Variants in PDLIM1 observed in about 807,000 individuals in gnomAD.
PDLIM1 encodes the protein PDZ and LIM domain 1.
A neutral mutation model predicts 35.2 loss-of-function variants in PDLIM1; 25 were observed. The ratio of observed to expected loss-of-function variants is 0.71; its 90% CI spans 0.52 to 0.99. The LOEUF (loss-of-function observed/expected upper bound fraction) is 0.99. PDLIM1 is among the 50% of genes least tolerant of loss of function. PDLIM1 has a pLI of 0.00. For synonymous variants in PDLIM1, 152 were observed against 154.0 expected (o/e 0.99, Z 0.10); for missense variants, 363 against 415.3 (o/e 0.87, Z 1.09).
chr10:95,274,705 G>C (rs2035496881), intron 1 of PDLIM1, among the ~76,000 whole-genome samples: 1 of 152,196 alleles, frequency 6.6e-6, no homozygotes, highest in African/African-American at 2.4e-5. Context: ...CTACTCAGCA[G>C]TAAGGTGCAT....
Position 95,237,590 on chromosome 10 carries a change from A to G in PDLIM1, c.*335T>C, listed in dbSNP as rs1267512244. On this transcript the variant is annotated 3_prime_UTR_variant, in exon 7 of 7. Coordinates refer to ENST00000329399, the MANE Select transcript of PDLIM1 (RefSeq NM_020992.4). ...ACACTGCTTTGTAGTCTATACATTT[A>G]TTGAGTAAAAACAAAATCAGTGTCA... 1 of 272,846 alleles carries G rather than the reference A, an allele frequency of 3.7e-6. No individual in the cohort carries two copies. Among genetic ancestry groups the G allele is most frequent in the Admixed American group, 4.9e-5 (1 of 20,496 alleles). 16.9% of individuals were successfully genotyped at this position (272,846 alleles called of 1,614,324 possible).
At chr10:95,273,919 C>G (rs1465838397) in intron 1 of PDLIM1, among the ~76,000 whole-genome samples, 1 of 152,194 alleles carries the variant, frequency 6.6e-6, no homozygotes, top group Non-Finnish European at 1.5e-5. Flanking sequence ...TTAAACGGCT[C>G]TAAGCATCAT....
At chr10:95,251,085 CA>C (rs1179138773) in intron 4 of PDLIM1, among the ~76,000 whole-genome samples, 1 of 152,242 alleles carries the variant, frequency 6.6e-6, no homozygotes, top group East Asian at 1.9e-4. Flanking sequence ...CTGCTCCAGC[CA>C]AAAGGGCAGC....
At position 95,290,934 on chromosome 10, in the gene PDLIM1, G is replaced by C; in HGVS notation, c.-19C>G. On this transcript the variant is annotated 5_prime_UTR_variant, in exon 1 of 7. Transcript: ENST00000329399. The surrounding 1 kb of genome is among the most constrained non-coding windows in gnomAD (Gnocchi z 4.7). Reference sequence around the variant, plus strand: ...TGGTCATGGCGCGGCTGTGGCGGGCGACGACCCGCGGGGACAGACGGGCAG... The same window carrying C: ...TGGTCATGGCGCGGCTGTGGCGGGCCACGACCCGCGGGGACAGACGGGCAG... 6.6e-7 allele frequency: 1 copy of C among 1,506,988 alleles called. No homozygotes were observed. The highest frequency in any genetic ancestry group is 9.0e-7 in the Non-Finnish European group (1 of 1,114,006). The allele number at this position is 1,506,988 out of a possible 1,614,324, so 93.4% of individuals were successfully genotyped here.
intron 5 of PDLIM1, 26 bp from the exon 6 acceptor site, chr10:95,238,711 G>T: frequency 1.5e-6 from 2 of 1,374,676 alleles, no homozygotes; most frequent in Non-Finnish European, 2.1e-6. Context: ...CACTGTCATT[G>T]GCCAGGAAGG....
chr10:95,259,468 G>A (rs2035343275), intron 4 of PDLIM1, among the ~76,000 whole-genome samples: 1 of 152,136 alleles, frequency 6.6e-6, no homozygotes, highest in African/African-American at 2.4e-5. Flanking sequence ...GCCATTCTGG[G>A]AAACCCTATG....
intron 3 of PDLIM1, among the ~76,000 whole-genome samples, chr10:95,264,626 AG>A (rs1287706316): frequency 2.0e-5 from 3 of 152,228 alleles, no homozygotes; most frequent in Non-Finnish European, 2.9e-5. Context: ...AAGGAAATTA[AG>A]GATCTATTGT....
chr10:95,245,168 T>A (rs1439603312), intron 5 of PDLIM1, among the ~76,000 whole-genome samples: 6 of 152,212 alleles, frequency 3.9e-5, no homozygotes, highest in Admixed American at 3.3e-4. Flanking sequence ...AGACTCTCGT[T>A]TAACTAGGTG....
chr10:95,238,518 G>T, intron 6 of PDLIM1, 50 bp downstream of exon 6: 2 of 1,165,728 alleles, frequency 1.7e-6, no homozygotes, highest in Non-Finnish European at 2.6e-6. Context: ...CATTTTCATG[G>T]TTTACCCAAC....
chr10:95,274,535 G>A (rs2035495392), intron 1 of PDLIM1, among the ~76,000 whole-genome samples: 1 of 152,064 alleles, frequency 6.6e-6, no homozygotes, highest in Non-Finnish European at 1.5e-5. Flanking sequence ...GACCTCAGGT[G>A]ATCCACCCAC....
rs985449403 is a variant in PDLIM1, at chr10:95,237,618, C to G, written c.*307G>C. Reference sequence around the variant, plus strand: ...GAGTAAAAACAAAATCAGTGTCAGACACGTTATATTTGATTGGGTTCAAAT... The same window carrying G: ...GAGTAAAAACAAAATCAGTGTCAGAGACGTTATATTTGATTGGGTTCAAAT... On this transcript the variant is annotated 3_prime_UTR_variant, in exon 7 of 7. Coordinates refer to ENST00000329399, the MANE Select transcript of PDLIM1 (RefSeq NM_020992.4). 3 of 335,464 alleles carry G rather than the reference C, an allele frequency of 8.9e-6. No homozygotes were observed. The highest frequency in any genetic ancestry group is 1.1e-5 in the Non-Finnish European group (2 of 180,998). 20.8% of individuals were successfully genotyped at this position (335,464 alleles called of 1,614,324 possible).
intron 5 of PDLIM1, among the ~76,000 whole-genome samples, chr10:95,245,217 G>C (rs45620839): frequency 0.07 from 10,708 of 152,242 alleles, 462 homozygotes; most frequent in Middle Eastern, 0.22. Context: ...AAATGGAAGA[G>C]TAGTGTGGGA....
chr10:95,285,019 T>C (rs1285417989), intron 1 of PDLIM1, among the ~76,000 whole-genome samples: 1 of 152,200 alleles, frequency 6.6e-6, no homozygotes, highest in African/African-American at 2.4e-5. Flanking sequence ...TTAGCTTGGC[T>C]ACCGCAAGGT....
chr10:95,263,077 C>T (rs1431912961), intron 4 of PDLIM1, among the ~76,000 whole-genome samples: 20 of 150,282 alleles, frequency 1.3e-4, no homozygotes, highest in Admixed American at 9.4e-4. Context: ...CCCAGGAGGT[C>T]GAGGCTGCAG....
chr10:95,276,419 C>T (rs2035512078), intron 1 of PDLIM1, among the ~76,000 whole-genome samples: 1 of 152,162 alleles, frequency 6.6e-6, no homozygotes, highest in Non-Finnish European at 1.5e-5. Flanking sequence ...CTCCCCTGCC[C>T]TGTACTGATC....
chr10:95,273,462 TC>T (rs2035482345), intron 1 of PDLIM1: 1 of 152,154 alleles, frequency 6.6e-6, no homozygotes, highest in Admixed American at 6.6e-5. Context: ...TATGGTGCAT[TC>T]CCCATCAGCA....
intron 1 of PDLIM1, among the ~76,000 whole-genome samples, chr10:95,274,973 G>T (rs1455436551): frequency 6.6e-6 from 1 of 152,038 alleles, no homozygotes; most frequent in Non-Finnish European, 1.5e-5. Context: ...GGATGAGAGG[G>T]GCCTGAATTC....
intron 5 of PDLIM1, among the ~76,000 whole-genome samples, chr10:95,239,550 CT>C (rs1407521688): frequency 1.3e-5 from 2 of 152,192 alleles, no homozygotes; most frequent in Non-Finnish European, 2.9e-5. Context: ...AATCCCAACA[CT>C]TTGGGAGGCC....
chr10:95,282,950 G>A (rs561200316), intron 1 of PDLIM1, among the ~76,000 whole-genome samples: 16 of 152,158 alleles, frequency 1.1e-4, no homozygotes, highest in African/African-American at 3.6e-4. Flanking sequence ...TCAAGAAGTC[G>A]TCGAGTTCCT....
Sources: gnomAD v4.1 joint callset for allele counts (sites outside exome capture counted in the v4.1 genomes callset) on GRCh38, gnomAD v4.1.1 for gene constraint, Gnocchi (gnomAD v3.1) non-coding constraint, MANE v1.5 for transcripts, NCBI Gene and HGNC (gene_info 2026-07-23, HGNC 2026-07-21) for gene names.